The following SKP2 variants were observed in gnomAD, a reference collection of about 807,000 sequenced individuals.
SKP2 encodes the protein S-phase kinase associated protein 2.
SKP2 carries 16 observed loss-of-function variants against 51.8 expected under a neutral mutation model. That is an observed-to-expected ratio of 0.31 (90% CI 0.21 to 0.47). SKP2 has a LOEUF of 0.47. SKP2 is among the 20% of genes least tolerant of loss of function. SKP2 has a pLI of 1.00. For synonymous variants in SKP2, 176 were observed against 198.6 expected (o/e 0.89, Z 0.96); for missense variants, 377 against 505.3 (o/e 0.75, Z 2.43).
chr5:36,184,715 A>G (rs994070577), downstream of SKP2, among the ~76,000 whole-genome samples: 1 of 152,188 alleles, frequency 6.6e-6, no homozygotes, highest in African/African-American at 2.4e-5. Context: ...TAGTGTTGCA[A>G]TAAACATACG....
At chr5:36,164,420 A>T (rs1745222503) in intron 3 of SKP2, among the ~76,000 whole-genome samples, 1 of 152,202 alleles carries the variant, frequency 6.6e-6, no homozygotes, top group Non-Finnish European at 1.5e-5. Context: ...CTGGAAAGGC[A>T]ATAACAGGCC....
chr5:36,187,157 C>G (rs1051714482), downstream of SKP2, among the ~76,000 whole-genome samples: 1 of 152,016 alleles, frequency 6.6e-6, no homozygotes, highest in African/African-American at 2.4e-5. Context: ...AGCGGTCTAT[C>G]AATTTTGTTG....
chr5:36,160,765 C>A (rs1011322861), intron 2 of SKP2, among the ~76,000 whole-genome samples: 1 of 152,122 alleles, frequency 6.6e-6, no homozygotes, highest in Non-Finnish European at 1.5e-5. Context: ...GGTTTGAGAA[C>A]CTTTGTCCCC....
chr5:36,173,278 A>G (rs1745530690), intron 7 of SKP2, among the ~76,000 whole-genome samples: 1 of 152,224 alleles, frequency 6.6e-6, no homozygotes. Context: ...TATGAGTGAC[A>G]GAGACAAATC....
chr5:36,178,333 T>C (rs1745698217), intron 9 of SKP2, among the ~76,000 whole-genome samples: 1 of 152,192 alleles, frequency 6.6e-6, no homozygotes, highest in African/African-American at 2.4e-5. Flanking sequence ...TTGAATCTTT[T>C]AAGTTAGTTT....
intron 9 of SKP2, chr5:36,180,381 A>G (rs956710044): frequency 1.3e-5 from 7 of 553,760 alleles, no homozygotes; most frequent in African/African-American, 9.7e-5. Context: ...AATGACAGCA[A>G]TTTGTTCTTT....
chr5:36,188,523 A>G (rs901272468), downstream of SKP2, among the ~76,000 whole-genome samples: 14 of 152,310 alleles, frequency 9.2e-5, no homozygotes, highest in African/African-American at 3.4e-4. Context: ...TTCTGGGTTG[A>G]AAATTCTTTT....
At chr5:36,166,704 C>A (rs781411812) in intron 4 of SKP2, 42 bp downstream of exon 4, 1 of 1,508,134 alleles carries the variant, frequency 6.6e-7, no homozygotes, top group Admixed American at 1.7e-5. Context: ...TTCTAAATTT[C>A]GAGGTAGAAA....
chr5:36,187,595 G>A (rs1334575824), downstream of SKP2, among the ~76,000 whole-genome samples: 1 of 152,198 alleles, frequency 6.6e-6, no homozygotes, highest in African/African-American at 2.4e-5. Context: ...TGTGGTCTGA[G>A]AGACAGTTTG....
At chr5:36,190,300 T>C (rs1579584671) in intron 6 of SKP2, among the ~76,000 whole-genome samples, 1 of 152,204 alleles carries the variant, frequency 6.6e-6, no homozygotes, top group Non-Finnish European at 1.5e-5. Flanking sequence ...TCACCCGTAT[T>C]CTGCGTCGCT....
chr5:36,189,180 T>G (rs528537341), downstream of SKP2, among the ~76,000 whole-genome samples: 1 of 152,302 alleles, frequency 6.6e-6, no homozygotes, highest in East Asian at 1.9e-4. Context: ...ACTTCCTCCT[T>G]TAGCTCGGAG....
chr5:36,167,579 A>G (rs1745325244), intron 4 of SKP2, among the ~76,000 whole-genome samples: 1 of 151,744 alleles, frequency 6.6e-6, no homozygotes, highest in South Asian at 2.1e-4. Context: ...TCTTACAAGG[A>G]CTTCAATATT....
intron 6 of SKP2, among the ~76,000 whole-genome samples, chr5:36,170,774 G>A (rs1000477677): frequency 6.6e-6 from 1 of 152,148 alleles, no homozygotes; most frequent in African/African-American, 2.4e-5. Context: ...TATGGTATCT[G>A]TAGACCTAAC....
intron 3 of SKP2, among the ~76,000 whole-genome samples, 180 bp from the exon 4 acceptor site, chr5:36,166,339 A>G (rs1745288185): frequency 6.6e-6 from 1 of 152,226 alleles, no homozygotes; most frequent in Admixed American, 6.5e-5. Flanking sequence ...AATCAAGAAA[A>G]ATTCTCTAGT....
chr5:36,180,420 A>T (rs1373480752), intron 9 of SKP2: 2 of 356,638 alleles, frequency 5.6e-6, no homozygotes, highest in Non-Finnish European at 1.1e-5. Flanking sequence ...ATACCTTTAG[A>T]TCTTATTGTC....
downstream of SKP2, among the ~76,000 whole-genome samples, chr5:36,186,796 T>G (rs1255765235): frequency 6.6e-6 from 1 of 152,188 alleles, no homozygotes. Context: ...TTCTATTGAT[T>G]GGAATAGTTT....
At position 36,176,953 on chromosome 5, in the gene SKP2, T is replaced by G; in HGVS notation, c.902-12T>G. 6.4e-7 allele frequency: 1 copy of G among 1,563,290 alleles called. No individual in the cohort carries two copies. Among genetic ancestry groups the G allele is most frequent in the Non-Finnish European group, 8.8e-7 (1 of 1,142,160 alleles). On this transcript the variant is annotated splice_polypyrimidine_tract_variant and intron_variant, in intron 7 of 9. Coordinates refer to ENST00000274255, the MANE Select transcript of SKP2 (RefSeq NM_005983.4). ...TTTAATAGTGACCATCATGTTTTTTTGCTTTTCCTAGATCTCTCTACTTTA... is the reference window on the plus strand; with the variant it reads ...TTTAATAGTGACCATCATGTTTTTTGGCTTTTCCTAGATCTCTCTACTTTA...
At chr5:36,163,394 G>T (rs1450630261) in intron 2 of SKP2, among the ~76,000 whole-genome samples, 1 of 152,002 alleles carries the variant, frequency 6.6e-6, no homozygotes, top group Non-Finnish European at 1.5e-5. Flanking sequence ...AGAGTGTGGT[G>T]GTCACTTCAG....
downstream of SKP2, among the ~76,000 whole-genome samples, chr5:36,189,257 T>C (rs1322909043): frequency 6.6e-6 from 1 of 152,218 alleles, no homozygotes; most frequent in Non-Finnish European, 1.5e-5. Flanking sequence ...GCTTTGTCCA[T>C]TGCTGGCGAG....
Sources: gnomAD v4.1 joint callset for allele counts (sites outside exome capture counted in the v4.1 genomes callset) on GRCh38, gnomAD v4.1.1 for gene constraint, MANE v1.5 for transcripts, NCBI Gene and HGNC (gene_info 2026-07-23, HGNC 2026-07-21) for gene names.